The following XDH variants were observed in gnomAD, a reference collection of about 807,000 sequenced individuals.
XDH encodes the protein xanthine dehydrogenase/oxidase.
A neutral mutation model predicts 156.1 loss-of-function variants in XDH; 138 were observed. The ratio of observed to expected loss-of-function variants is 0.88; its 90% CI spans 0.77 to 1.02. The LOEUF (loss-of-function observed/expected upper bound fraction) is 1.02. Among genes scored for constraint, XDH ranks in the 50% least tolerant of loss-of-function variants. The probability of loss-of-function intolerance (pLI) is 0.00; values close to 1 mark genes in which losing one functional copy is unlikely to be tolerated. For synonymous variants in XDH, 669 were observed against 625.7 expected (o/e 1.07, Z -1.03); for missense variants, 1,849 against 1,684.9 (o/e 1.10, Z -1.71).
At position 31,383,943 on chromosome 2, in the gene XDH, A is replaced by T. The variant is rs941864997; in HGVS notation, c.794-96T>A. 6 of 1,051,418 alleles carry T rather than the reference A, an allele frequency of 5.7e-6. No individual in the cohort carries two copies. The African/African-American group carries it at 7.8e-5, about 14-fold the overall frequency. 65.1% of individuals were successfully genotyped at this position (1,051,418 alleles called of 1,614,324 possible). A position where few individuals can be genotyped will look rare whatever the true frequency, so the allele number is the denominator to read the frequency against. ...CTCACCATTACACACAGGATATATG[A>T]CATATCCACAATCATAATATGCTCT... On this transcript the variant is annotated intron_variant, in intron 9 of 35. Transcript: ENST00000379416.
rs766343054 is a variant in XDH, at chr2:31,366,915, C to T, written c.2277G>A (p.Gly759=). Reference sequence around the variant, plus strand: ...GTGTAGACACAAAGAGCTCCATCTCCCCTGCCTCGCCTTTTGGAACAGCAA... The same window carrying T: ...GTGTAGACACAAAGAGCTCCATCTCTCCTGCCTCGCCTTTTGGAACAGCAA... ...CTIAVPKGEA[G]EMELFVSTQN... The change falls in exon 21 of 36, where the codon GGG becomes GGA. Residue 759 remains glycine, a synonymous_variant. Coordinates refer to ENST00000379416, the MANE Select transcript of XDH (RefSeq NM_000379.4). 6.8e-6 allele frequency: 11 copies of T among 1,614,268 alleles called. No individual in the cohort carries two copies. The highest frequency in any genetic ancestry group is 6.6e-5 in the South Asian group (6 of 91,092).
intron 1 of XDH, among the ~76,000 whole-genome samples, chr2:31,410,572 C>T (rs61706447): frequency 0.48 from 73,076 of 151,884 alleles, 17,798 homozygotes; most frequent in African/African-American, 0.5. Context: ...AGCCAAGTCA[C>T]CAAAGTTCGC....
intron 24 of XDH, 80 bp from the exon 25 acceptor site, chr2:31,350,303 T>C: frequency 6.8e-7 from 1 of 1,470,364 alleles, no homozygotes; most frequent in Non-Finnish European, 9.5e-7. Context: ...TTGAGGGCTG[T>C]ATCCATTGCC....
At chr2:31,352,745 A>G (rs1223594594) in intron 24 of XDH, among the ~76,000 whole-genome samples, 1 of 152,174 alleles carries the variant, frequency 6.6e-6, no homozygotes, top group African/African-American at 2.4e-5. Context: ...AGAAATAAGA[A>G]TAATTCTTTT....
At chr2:31,345,443 T>C (rs1685254728) in intron 30 of XDH, among the ~76,000 whole-genome samples, 1 of 152,226 alleles carries the variant, frequency 6.6e-6, no homozygotes, top group Non-Finnish European at 1.5e-5. Context: ...CCCCAAACAC[T>C]AGCACAGACT....
chr2:31,387,196 C>T (rs1374706336), intron 8 of XDH, among the ~76,000 whole-genome samples: 2 of 152,182 alleles, frequency 1.3e-5, no homozygotes, highest in South Asian at 2.1e-4. Context: ...CAAAGCCATT[C>T]TCTCTGGCCT....
chr2:31,346,488 T>C (rs906726754), intron 30 of XDH, among the ~76,000 whole-genome samples: 4 of 152,080 alleles, frequency 2.6e-5, no homozygotes, highest in African/African-American at 9.7e-5. Flanking sequence ...ACCCATCCTC[T>C]CAGGCTCAGG....
rs1686036564 is a variant in XDH at position 31,370,258 on chromosome 2, G to A, written c.1980+97C>T. 7.7e-6 allele frequency: 11 copies of A among 1,435,654 alleles called. No homozygotes were observed. The South Asian group carries it at 8.2e-5, about 11-fold the overall frequency. The allele number at this position is 1,435,654 out of a possible 1,614,324, so 88.9% of individuals were successfully genotyped here. ...GATGATGGCCATAATCCATGCAAAT[G>A]TATAACCTTTCCAGATCAGGAGTTT... On this transcript the variant is annotated intron_variant, in intron 18 of 35. Transcript: ENST00000379416.
At chr2:31,380,185 C>A (rs547181919) in intron 12 of XDH, among the ~76,000 whole-genome samples, 2 of 152,208 alleles carry the variant, frequency 1.3e-5, no homozygotes, top group South Asian at 4.1e-4. Flanking sequence ...CTTTAACAAC[C>A]AGTTCCGTGT....
In XDH at chr2:31,381,730, A is replaced by G. The variant is rs765524160; in HGVS notation, c.1039-4T>C. On this transcript the variant is annotated splice_polypyrimidine_tract_variant and splice_region_variant and intron_variant, in intron 11 of 35. Transcript: ENST00000379416. ...TGATGATGTTCCCTCCAACGGACTA[A>G]AACAAGCAGAGAGCATGCAGTGAGA... 4.3e-6 allele frequency: 7 copies of G among 1,612,094 alleles called. No individual in the cohort carries two copies. The South Asian group carries it at 6.6e-5, about 15-fold the overall frequency.
chr2:31,381,657 C>A lies in XDH; in HGVS notation c.1108G>T (p.Ala370Ser). Reference protein sequence around the residue: ...DLNPVFMASGAKLTLVSRGTR... With the variant: ...DLNPVFMASGSKLTLVSRGTR... ...CCTCTGGACACAAGTGTCAGCTTGG[C>A]CCCACTGGCCATGAACACGGGGTTG... is the stretch of plus-strand genomic sequence containing the variant. Residue 370 changes from alanine to serine, a missense_variant, in exon 12 of 36, where the codon GCC (alanine) becomes TCC (serine). Coordinates refer to ENST00000379416, the MANE Select transcript of XDH (RefSeq NM_000379.4). 3 of 1,614,112 alleles carry A rather than the reference C, an allele frequency of 1.9e-6. No individual in the cohort carries two copies. Among genetic ancestry groups the A allele is most frequent in the Non-Finnish European group, 2.5e-6 (3 of 1,180,010 alleles).
chr2:31,407,821 A>T (rs1298750414), intron 1 of XDH, among the ~76,000 whole-genome samples: 5 of 152,238 alleles, frequency 3.3e-5, no homozygotes, highest in Non-Finnish European at 5.9e-5. Flanking sequence ...AATAAAGTTT[A>T]AAGGAAAGTA....
At chr2:31,389,707 T>A (rs1686711328) in intron 6 of XDH, 1 of 152,298 alleles carries the variant, frequency 6.6e-6, no homozygotes, top group Middle Eastern at 3.4e-3. Context: ...GTTAATGACA[T>A]AAATTACTGT....
intron 6 of XDH, among the ~76,000 whole-genome samples, chr2:31,397,119 TTATA>T (rs966951294): frequency 6.6e-6 from 1 of 152,150 alleles, no homozygotes; most frequent in Non-Finnish European, 1.5e-5. Context: ...GTGTATGTGT[TTATA>T]TAATCAATGC....
chr2:31,360,296 G>A (rs1445773407), intron 24 of XDH, among the ~76,000 whole-genome samples: 3 of 152,186 alleles, frequency 2.0e-5, no homozygotes, highest in African/African-American at 4.8e-5. Flanking sequence ...TCAGAAGTTC[G>A]AGACCAGCCT....
At position 31,374,537 on chromosome 2, in the gene XDH, G is replaced by GA. The variant is rs537975818; in HGVS notation, c.1603-582dup. On this transcript the variant is annotated intron_variant, in intron 15 of 35. Transcript: ENST00000379416. ...CAGATAGATGGACAGATAAATGCAG[G>GA]AAAAAAAATCAGAGGAAATAACCAA... Among the ~76,000 whole-genome samples, 6 of 152,154 alleles carry GA rather than the reference G, an allele frequency of 3.9e-5. No individual in the cohort carries two copies. The South Asian group carries it at 6.2e-4, about 16-fold the overall frequency.
chr2:31,373,854 A>G lies in XDH; in HGVS notation c.1686+19T>C, dbSNP rs1377777880. On this transcript the variant is annotated intron_variant, in intron 16 of 35. Transcript: ENST00000379416. ...CCTGCAAAGTCCCCTGATATTAGCC[A>G]TACACTGACCGTACTCACTTGGAAG... 1 of 1,613,158 alleles carries G rather than the reference A, an allele frequency of 6.2e-7. No homozygotes were observed. The highest frequency in any genetic ancestry group is 8.5e-7 in the Non-Finnish European group (1 of 1,179,460).
At chr2:31,351,952 A>G (rs1685491685) in intron 24 of XDH, among the ~76,000 whole-genome samples, 1 of 152,232 alleles carries the variant, frequency 6.6e-6, no homozygotes, top group Non-Finnish European at 1.5e-5. Flanking sequence ...TCTAAATTTC[A>G]TAACATTATA....
At chr2:31,351,360 T>C (rs150630495) in intron 24 of XDH, among the ~76,000 whole-genome samples, 20 of 152,332 alleles carry the variant, frequency 1.3e-4, no homozygotes, top group African/African-American at 3.6e-4. Flanking sequence ...ATTCTAAAAA[T>C]CTGCTCCTAA....
Sources: gnomAD v4.1 joint callset for allele counts (sites outside exome capture counted in the v4.1 genomes callset) on GRCh38, gnomAD v4.1.1 for gene constraint, MANE v1.5 for transcripts, NCBI Gene and HGNC (gene_info 2026-07-23, HGNC 2026-07-21) for gene names.